The following APP variants were observed in gnomAD, a reference collection of about 807,000 sequenced individuals.
The protein encoded by APP is amyloid-beta precursor protein.
APP carries 31 observed loss-of-function variants against 101.4 expected under a neutral mutation model. That is an observed-to-expected ratio of 0.31 (90% CI 0.23 to 0.41). The LOEUF (loss-of-function observed/expected upper bound fraction) is 0.41. Among genes scored for constraint, APP ranks in the 10% least tolerant of loss-of-function variants. APP has a pLI of 1.00. For synonymous variants in APP, 366 were observed against 364.4 expected (o/e 1.00, Z -0.05); for missense variants, 839 against 1,003.7 (o/e 0.84, Z 2.22).
At chr21:26,124,733 A>G (rs2062646002) in intron 1 of APP, among the ~76,000 whole-genome samples, 1 of 152,254 alleles carries the variant, frequency 6.6e-6, no homozygotes, top group South Asian at 2.1e-4. Flanking sequence ...AAAACAGCAA[A>G]TGCTGATGGT....
intron 3 of APP, among the ~76,000 whole-genome samples, chr21:26,077,793 A>C (rs1428786091): frequency 6.6e-6 from 1 of 151,982 alleles, no homozygotes; most frequent in Non-Finnish European, 1.5e-5. Flanking sequence ...AAAAAAAAAA[A>C]AGACAGACAC....
chr21:25,960,296 C>A (rs2146512275), intron 11 of APP, among the ~76,000 whole-genome samples: 1 of 152,238 alleles, frequency 6.6e-6, no homozygotes, highest in African/African-American at 2.4e-5. Context: ...GGGGTGATTA[C>A]TCTTATCTTG....
chr21:25,940,390 G>A (rs1394259399), intron 13 of APP, among the ~76,000 whole-genome samples: 3 of 152,204 alleles, frequency 2.0e-5, no homozygotes, highest in Non-Finnish European at 4.4e-5. Context: ...GACCCAAATA[G>A]TCTAAAAGGT....
intron 13 of APP, among the ~76,000 whole-genome samples, chr21:25,921,034 G>A (rs1022037987): frequency 3.4e-5 from 5 of 146,516 alleles, no homozygotes; most frequent in Admixed American, 6.7e-5. Context: ...CTATCTCTCC[G>A]ACCACAGTGC....
At chr21:25,995,667 TAG>T (rs2043025720) in intron 8 of APP, among the ~76,000 whole-genome samples, 1 of 152,242 alleles carries the variant, frequency 6.6e-6, no homozygotes, top group Non-Finnish European at 1.5e-5. Flanking sequence ...GTGGAATAGC[TAG>T]AGCTTTTTCC....
chr21:26,062,226 A>ACACAC (rs1555861786), intron 3 of APP, among the ~76,000 whole-genome samples: 3 of 86,474 alleles, frequency 3.5e-5, no homozygotes, highest in African/African-American at 3.5e-5. Flanking sequence ...CAAACAAACA[A>ACACAC]ACAAACACAC....
chr21:26,004,799 C>G (rs953504128), intron 6 of APP, among the ~76,000 whole-genome samples: 24 of 134,864 alleles, frequency 1.8e-4, no homozygotes, highest in African/African-American at 6.0e-4. Flanking sequence ...TTTCCCTCCC[C>G]CAACCCCCCA....
chr21:25,899,114 A>C (rs1363121960), intron 15 of APP, among the ~76,000 whole-genome samples: 1 of 152,188 alleles, frequency 6.6e-6, no homozygotes, highest in East Asian at 1.9e-4. Flanking sequence ...ATGTCACTCT[A>C]TACCTGGCTT....
intron 1 of APP, among the ~76,000 whole-genome samples, chr21:26,149,663 C>A (rs1209209194): frequency 6.6e-6 from 1 of 152,188 alleles, no homozygotes; most frequent in Non-Finnish European, 1.5e-5. Context: ...AGATGAATTG[C>A]TGTATACTCT....
chr21:26,021,946 C>G lies in APP; in HGVS notation c.759G>C (p.Glu253Asp). 6.2e-7 allele frequency: 1 copy of G among 1,613,606 alleles called. No homozygotes were observed. The highest frequency in any genetic ancestry group is 1.1e-5 in the South Asian group (1 of 91,068). Residue 253 changes from glutamate (E) to aspartate (D), a missense_variant, in exon 6 of 18, where the codon GAG (glutamate) becomes GAC (aspartate). Transcript: ENST00000346798. ...AGGGTTCCTCAGCCTCTTCCTCTAC[C>G]TCATCACCATCCTCATCGTCCTCGT... ...DDDEDDEDGD[E>D]VEEEAEEPYE...
At chr21:25,912,870 A>G (rs2146323800) in intron 13 of APP, among the ~76,000 whole-genome samples, 2 of 151,902 alleles carry the variant, frequency 1.3e-5, no homozygotes, top group Middle Eastern at 3.4e-3. Context: ...TGACCCCAGG[A>G]TATGAAGATT....
intron 11 of APP, among the ~76,000 whole-genome samples, chr21:25,958,499 C>T (rs1005848050): frequency 9.2e-5 from 14 of 152,058 alleles, no homozygotes; most frequent in African/African-American, 3.4e-4. Context: ...GGATGGTCTC[C>T]ATCTCCTGAC....
intron 9 of APP, among the ~76,000 whole-genome samples, chr21:25,979,431 T>C (rs2042341761): frequency 6.6e-6 from 1 of 152,190 alleles, no homozygotes; most frequent in African/African-American, 2.4e-5. Context: ...AAATGACTAC[T>C]ACTAAGTAGA....
At chr21:25,899,779 C>T (rs947067773) in intron 15 of APP, among the ~76,000 whole-genome samples, 1 of 152,214 alleles carries the variant, frequency 6.6e-6, no homozygotes, top group Non-Finnish European at 1.5e-5. Context: ...CTGCTAAATT[C>T]TCGCGTTATT....
Position 25,911,968 on chromosome 21 carries a change from C to T in APP, c.1688-6G>A. On this transcript the variant is annotated splice_region_variant and splice_polypyrimidine_tract_variant and intron_variant, in intron 13 of 17. Transcript: ENST00000346798. ...CTCTTTCTGAAGCAGCTCATCTAAA[C>T]CAAACAAAACCATCTCTTTGGTGAG... 1 of 1,606,348 alleles carries T rather than the reference C, an allele frequency of 6.2e-7. No homozygotes were observed. Among genetic ancestry groups the T allele is most frequent in the Non-Finnish European group, 8.5e-7 (1 of 1,173,052 alleles).
chr21:25,948,141 GCTCT>G (rs1460800732), intron 13 of APP, among the ~76,000 whole-genome samples: 1 of 149,444 alleles, frequency 6.7e-6, no homozygotes, highest in South Asian at 2.1e-4. Context: ...CAAAGTGACA[GCTCT>G]CTATTTGCTG....
intron 5 of APP, among the ~76,000 whole-genome samples, chr21:26,037,767 T>C (rs955553146): frequency 1.3e-5 from 2 of 152,210 alleles, no homozygotes; most frequent in African/African-American, 4.8e-5. Flanking sequence ...TATGAGTCCT[T>C]GGCTCCAATT....
chr21:26,020,657 T>TA (rs782498338), intron 6 of APP, among the ~76,000 whole-genome samples: 1 of 152,182 alleles, frequency 6.6e-6, no homozygotes, highest in Non-Finnish European at 1.5e-5. Context: ...TAAAATTCAG[T>TA]AAGTACATAT....
rs901939764 is a variant in APP at position 26,133,822 on chromosome 21, G to A, written c.58-21676C>T. Among the ~76,000 whole-genome samples, 22 of 152,034 alleles carry A rather than the reference G, an allele frequency of 1.4e-4. 1 individual carries two copies. Among genetic ancestry groups the A allele is most frequent in the Admixed American group, 4.6e-4 (7 of 15,256 alleles). On this transcript the variant is annotated intron_variant, in intron 1 of 17. Coordinates refer to ENST00000346798, the MANE Select transcript of APP (RefSeq NM_000484.4). ...GAATAAAGAAAACAGTTCCCTGTCC[G>A]TATCAAACCAATCAGAACCAATATA...
Sources: gnomAD v4.1 joint callset for allele counts (sites outside exome capture counted in the v4.1 genomes callset) on GRCh38, gnomAD v4.1.1 for gene constraint, MANE v1.5 for transcripts, NCBI Gene and HGNC (gene_info 2026-07-23, HGNC 2026-07-21) for gene names.